Variants in MYO18B observed in about 807,000 individuals in gnomAD.
The protein encoded by MYO18B is unconventional myosin-XVIIIb.
A neutral mutation model predicts 273.0 loss-of-function variants in MYO18B; 204 were observed. The observed-to-expected ratio is 0.75, with a 90% confidence interval of 0.67 to 0.84. The LOEUF (loss-of-function observed/expected upper bound fraction) is 0.84. MYO18B is among the 40% of genes least tolerant of loss of function. MYO18B has a pLI of 0.00. For synonymous variants in MYO18B, 1,330 were observed against 1,305.7 expected, an observed-to-expected ratio of 1.02 and a Z score of -0.40; for missense variants, 3,212 against 3,287.6, an observed-to-expected ratio of 0.98 and a Z score of 0.56.
intron 12 of MYO18B, among the ~76,000 whole-genome samples, chr22:25,817,234 C>G (rs562947879): frequency 6.6e-6 from 1 of 151,150 alleles, no homozygotes; most frequent in South Asian, 2.1e-4. Context: ...CGTTCTTTCT[C>G]TCTTTCTCTC....
At chr22:25,822,186 T>C (rs1334856198) in intron 12 of MYO18B, among the ~76,000 whole-genome samples, 1 of 152,232 alleles carries the variant, frequency 6.6e-6, no homozygotes, top group Admixed American at 6.5e-5. Flanking sequence ...TAACACACCA[T>C]GCTCATTTCT....
chr22:25,867,888 C>A (rs1260193793), intron 21 of MYO18B, among the ~76,000 whole-genome samples: 1 of 152,186 alleles, frequency 6.6e-6, no homozygotes, highest in Non-Finnish European at 1.5e-5. Flanking sequence ...ACCTCAGCCT[C>A]CCAAAGTGCT....
chr22:25,817,500 TTTTG>T (rs2089087183), intron 12 of MYO18B, among the ~76,000 whole-genome samples: 1 of 151,196 alleles, frequency 6.6e-6, no homozygotes, highest in South Asian at 2.1e-4. Flanking sequence ...CTCATTTCTC[TTTTG>T]TTTGTTCTCT....
At chr22:25,895,126 T>C (rs2091767198) in intron 27 of MYO18B, 30 bp from the exon 28 acceptor site, 1 of 1,607,824 alleles carries the variant, frequency 6.2e-7, no homozygotes, top group Non-Finnish European at 8.5e-7. Context: ...TTTGGCCTCT[T>C]ATCCTGGTCT....
rs371040078 is a variant in MYO18B, at chr22:25,769,096, A to G, written c.1180A>G (p.Lys394Glu). The change falls in exon 4 of 44, where the codon AAG becomes GAG. Residue 394 changes from lysine to glutamate, a missense_variant. Coordinates refer to ENST00000335473, the MANE Select transcript of MYO18B (RefSeq NM_032608.7). ...AGGTGAGTCCTGGGATAAGAAGGAAAAGATGGGGCAACCCCAGGGTAAGTC... is the reference window on the plus strand; with the variant it reads ...AGGTGAGTCCTGGGATAAGAAGGAAGAGATGGGGCAACCCCAGGGTAAGTC... The part of the protein sequence containing the change: ...KAGESWDKKE[K>E]MGQPQGKSGN... 1 of 1,613,532 alleles carries G rather than the reference A, an allele frequency of 6.2e-7. No individual in the cohort carries two copies. Among genetic ancestry groups the G allele is most frequent in the African/African-American group, 1.3e-5 (1 of 75,058 alleles).
chr22:26,030,915 G>A lies in MYO18B; in HGVS notation c.*485G>A, dbSNP rs754804205. On this transcript the variant is annotated 3_prime_UTR_variant, in exon 44 of 44. Coordinates refer to ENST00000335473, the MANE Select transcript of MYO18B (RefSeq NM_032608.7). ...TGCTCCCTTAATCCCCATGCTTGTC[G>A]ATTATATTCCTTTGCCAATTCATTT... The A allele has an allele frequency of 5.0e-6, 2 of 398,400 alleles. No individual in the cohort carries two copies. The highest frequency in any genetic ancestry group is 8.8e-6 in the Non-Finnish European group (2 of 226,034). 24.7% of individuals were successfully genotyped at this position (398,400 alleles called of 1,614,324 possible). A position where few individuals can be genotyped will look rare whatever the true frequency, so the allele number is the denominator to read the frequency against.
intron 2 of MYO18B, among the ~76,000 whole-genome samples, chr22:25,762,744 T>A (rs1248944173): frequency 6.6e-6 from 1 of 152,282 alleles, no homozygotes; most frequent in African/African-American, 2.4e-5. Context: ...CTGTAAGCCC[T>A]TCCCTATCTT....
At position 25,847,591 on chromosome 22, in the gene MYO18B, A is replaced by C. The variant is rs1053834144; in HGVS notation, c.3714A>C (p.Pro1238=). 7.7e-6 allele frequency: 12 copies of C among 1,566,612 alleles called. No homozygotes were observed. The highest frequency in any genetic ancestry group is 1.0e-5 in the Non-Finnish European group (12 of 1,155,802). ...GAGGPLALDI[P]ALRVQLAGFH... is the part of the protein sequence containing the mutation. ...GTGGACCTCTGGCCCTGGATATCCC[A>C]GCACTGAGGGTCCAGCTTGCTGGGT... The change falls in exon 20 of 44, where the codon CCA becomes CCC. Residue 1238 remains proline, a synonymous_variant. Coordinates refer to ENST00000335473, the MANE Select transcript of MYO18B (RefSeq NM_032608.7).
In MYO18B at chr22:25,876,344, T is replaced by C. The variant is rs760000044; in HGVS notation, c.4224+12T>C. 4.4e-6 allele frequency: 7 copies of C among 1,601,738 alleles called. No individual in the cohort carries two copies. The highest frequency in any genetic ancestry group is 1.7e-5 in the Admixed American group (1 of 59,134). ...TCCGAGCCAAGGAGGTCAGTCTATG[T>C]GGCAGGCAGGGTGCTGGGTGGCTAC... On this transcript the variant is annotated intron_variant, in intron 24 of 43. Transcript: ENST00000335473.
intron 12 of MYO18B, among the ~76,000 whole-genome samples, chr22:25,802,700 C>A (rs989827792): frequency 1.4e-5 from 2 of 144,752 alleles, no homozygotes; most frequent in Non-Finnish European, 3.0e-5. Flanking sequence ...TTGCGGTGAG[C>A]TGAGATCGCG....
chr22:25,886,194 A>G (rs1199789354), intron 25 of MYO18B, among the ~76,000 whole-genome samples: 1 of 152,194 alleles, frequency 6.6e-6, no homozygotes, highest in Admixed American at 6.5e-5. Flanking sequence ...GGTAAGCACT[A>G]TCTGTGGTGG....
intron 1 of MYO18B, among the ~76,000 whole-genome samples, chr22:25,751,527 T>C (rs1420247023): frequency 6.6e-6 from 1 of 152,182 alleles, no homozygotes; most frequent in African/African-American, 2.4e-5. Flanking sequence ...ATCACTGATG[T>C]GGAGCTTTGA....
At chr22:25,898,217 C>A in intron 28 of MYO18B, 90 bp from the exon 29 acceptor site, 1 of 1,441,276 alleles carries the variant, frequency 6.9e-7, no homozygotes, top group Non-Finnish European at 9.4e-7. Context: ...TCTCATTACA[C>A]ACCTTGGAAA....
At chr22:25,809,406 T>C (rs1400026342) in intron 12 of MYO18B, among the ~76,000 whole-genome samples, 1 of 152,228 alleles carries the variant, frequency 6.6e-6, no homozygotes, top group Non-Finnish European at 1.5e-5. Context: ...TGAGCAATGC[T>C]TGTCTTGATG....
chr22:25,847,377 C>A (rs1199254672), intron 19 of MYO18B, 53 bp from the exon 20 acceptor site: 1 of 1,491,282 alleles, frequency 6.7e-7, no homozygotes, highest in South Asian at 1.2e-5. Flanking sequence ...GTCCAGTCCC[C>A]TTTCTGTGTC....
chr22:25,757,124 C>T (rs1344773270), intron 1 of MYO18B, among the ~76,000 whole-genome samples: 1 of 152,170 alleles, frequency 6.6e-6, no homozygotes, highest in Non-Finnish European at 1.5e-5. Context: ...AACACTAGTA[C>T]TTACAAAAGC....
intron 25 of MYO18B, among the ~76,000 whole-genome samples, chr22:25,889,011 G>A (rs912082421): frequency 2.6e-5 from 4 of 150,996 alleles, no homozygotes; most frequent in Non-Finnish European, 4.4e-5. Flanking sequence ...TGCATCACAA[G>A]AAAATTGGAG....
chr22:26,013,103 C>T (rs1361326866), intron 42 of MYO18B, among the ~76,000 whole-genome samples: 4 of 128,406 alleles, frequency 3.1e-5, no homozygotes, highest in Admixed American at 7.3e-5. Context: ...CTCTTTCTTT[C>T]GATATTTTTT....
At chr22:25,754,781 G>A (rs1356339984) in intron 1 of MYO18B, among the ~76,000 whole-genome samples, 1 of 152,230 alleles carries the variant, frequency 6.6e-6, no homozygotes, top group African/African-American at 2.4e-5. Context: ...GCTGGCGCAG[G>A]ACCTCTGAGG....
Sources: allele counts gnomAD v4.1 joint callset (sites outside exome capture counted in the v4.1 genomes callset), GRCh38; gene constraint gnomAD v4.1.1; transcripts MANE v1.5; gene names NCBI Gene and HGNC (gene_info 2026-07-23, HGNC 2026-07-21).